The following WDR33 variants were observed in gnomAD, a reference collection of about 807,000 sequenced individuals.
WDR33 encodes WD repeat domain 33, also known as pre-mRNA 3' end processing protein WDR33.
WDR33 carries 47 observed loss-of-function variants against 164.9 expected under a neutral mutation model. The observed-to-expected ratio is 0.29, with a 90% CI of 0.23 to 0.36. WDR33 has a LOEUF of 0.36. Among genes scored for constraint, WDR33 ranks in the 10% least tolerant of loss-of-function variants. WDR33 has a pLI of 1.00. For synonymous variants in WDR33, 505 were observed against 589.0 expected, an observed-to-expected ratio of 0.86 and a Z score of 2.06; for missense variants, 1,137 against 1,754.1, an observed-to-expected ratio of 0.65 and a Z score of 6.28.
chr2:127,702,424 C>A lies in WDR33; in HGVS notation c.*3899G>T. ...TGAAAACTGAGATTTTGTCATTGAA[C>A]TGGTGACAGGATGTGAGACGGTTAT... On this transcript the variant is annotated 3_prime_UTR_variant, in exon 22 of 22. Coordinates refer to ENST00000322313, the MANE Select transcript of WDR33 (RefSeq NM_018383.5). 1 of 288,502 alleles carries A rather than the reference C, an allele frequency of 3.5e-6. No individual in the cohort carries two copies. The highest frequency in any genetic ancestry group is 6.7e-6 in the Non-Finnish European group (1 of 148,540). The allele number at this position is 288,502 out of a possible 1,614,324, so 17.9% of individuals were successfully genotyped here.
intron 1 of WDR33, among the ~76,000 whole-genome samples, chr2:127,780,914 G>GC (rs1204957425): frequency 6.6e-6 from 1 of 152,172 alleles, no homozygotes; most frequent in Non-Finnish European, 1.5e-5. Context: ...AGGCTGGAGT[G>GC]CAGTGGCACC....
At chr2:127,794,218 G>A (rs548416266) in intron 1 of WDR33, among the ~76,000 whole-genome samples, 26 of 151,886 alleles carry the variant, frequency 1.7e-4, no homozygotes, top group African/African-American at 4.6e-4. Flanking sequence ...AAAGAAAGCC[G>A]GCCAGGCACG....
At chr2:127,736,454 T>C (rs565067716) in intron 7 of WDR33, 380 of 985,326 alleles carry the variant, frequency 3.9e-4, no homozygotes, top group Non-Finnish European at 4.2e-4. Flanking sequence ...TTGAAATGTA[T>C]AGTGTCAGGA....
chr2:127,791,521 T>C (rs1393867994), intron 1 of WDR33, among the ~76,000 whole-genome samples: 2 of 152,004 alleles, frequency 1.3e-5, no homozygotes, highest in South Asian at 2.1e-4. Context: ...AACAGCAAAC[T>C]TTCTGGTGTT....
rs868165776 is a variant in WDR33, at chr2:127,701,853, G to C, written c.*4470C>G. On this transcript the variant is annotated 3_prime_UTR_variant, in exon 22 of 22. Transcript: ENST00000322313. Reference sequence around the variant, plus strand: ...GTTGCTGCTGCGCGCGCGCAAGTTCGCGCTGCTCTGGTCACTGGGCTCGGC... The same window carrying C: ...GTTGCTGCTGCGCGCGCGCAAGTTCCCGCTGCTCTGGTCACTGGGCTCGGC... The C allele has an allele frequency of 2.7e-6, 4 of 1,461,198 alleles. No homozygotes were observed. Among genetic ancestry groups the C allele is most frequent in the African/African-American group, 1.5e-5 (1 of 67,686 alleles). The allele number at this position is 1,461,198 out of a possible 1,614,324, so 90.5% of individuals were successfully genotyped here. A position where few individuals can be genotyped will look rare whatever the true frequency, so the allele number is the denominator to read the frequency against.
chr2:127,713,131 T>C lies in WDR33; in HGVS notation c.3308+452A>G, dbSNP rs1044181935. Among the ~76,000 whole-genome samples the C allele has an allele frequency of 6.6e-6, 1 of 152,246 alleles. No individual in the cohort carries two copies. The highest frequency in any genetic ancestry group is 2.4e-5 in the African/African-American group (1 of 41,458). ...GAATGCTGAGATGAGTGTTCAAGCCTGATCTAAGTTTAACAGGAAGACTGT... is the reference window on the plus strand; with the variant it reads ...GAATGCTGAGATGAGTGTTCAAGCCCGATCTAAGTTTAACAGGAAGACTGT... On this transcript the variant is annotated intron_variant, in intron 18 of 21. Coordinates refer to ENST00000322313, the MANE Select transcript of WDR33 (RefSeq NM_018383.5). The surrounding 1 kb of genome is among the most constrained non-coding windows in gnomAD (Gnocchi z 6.2).
Position 127,721,953 on chromosome 2 carries a change from T to G in WDR33, c.1554A>C (p.Pro518=). ...WMQNKVPIPA[P]NEVLNDRKED... Reference sequence around the variant, plus strand: ...CTTTTCTGTCATTCAGCACCTCATTTGGAGCAGGAATTGGAACTTTATTTT... The same window carrying G: ...CTTTTCTGTCATTCAGCACCTCATTGGGAGCAGGAATTGGAACTTTATTTT... Residue 518 remains proline (P), a synonymous_variant, in exon 15 of 22, where the codon CCA becomes CCC. Coordinates refer to ENST00000322313, the MANE Select transcript of WDR33 (RefSeq NM_018383.5). The surrounding 1 kb of genome is among the most constrained non-coding windows in gnomAD (Gnocchi z 4.9). The G allele has an allele frequency of 9.3e-6, 15 of 1,613,482 alleles. No homozygotes were observed. Among genetic ancestry groups the G allele is most frequent in the Non-Finnish European group, 1.3e-5 (15 of 1,179,920 alleles).
intron 21 of WDR33, among the ~76,000 whole-genome samples, chr2:127,707,108 A>T (rs923673535): frequency 6.6e-6 from 1 of 152,114 alleles, no homozygotes; most frequent in African/African-American, 2.4e-5. Context: ...CAAAAACCCC[A>T]CAAAACACTG....
chr2:127,768,039 G>T, intron 4 of WDR33, 150 bp downstream of exon 4: 1 of 484,994 alleles, frequency 2.1e-6, no homozygotes, highest in Non-Finnish European at 3.4e-6. Context: ...ATAAACAACT[G>T]GATATTCCAA....
At position 127,721,860 on chromosome 2, in the gene WDR33, T is replaced by C. The variant is rs1686448530; in HGVS notation, c.1647A>G (p.Gln549=). 4.3e-6 allele frequency: 7 copies of C among 1,613,676 alleles called. No homozygotes were observed. The highest frequency in any genetic ancestry group is 3.3e-5 in the South Asian group (3 of 91,022). The change falls in exon 15 of 22, where the codon CAA becomes CAG. Residue 549 remains glutamine, a synonymous_variant. Transcript: ENST00000322313. This position sits in a 1 kb window ranked among gnomAD's most constrained non-coding sequence, Gnocchi z 4.9. ...CCTCCAGAAGTTGTGGGTTAGTATATTGTAATGTAGCCATTTCTTGCTCAA... is the reference window on the plus strand; with the variant it reads ...CCTCCAGAAGTTGTGGGTTAGTATACTGTAATGTAGCCATTTCTTGCTCAA... The part of the protein sequence containing the change: ...AEIEQEMATL[Q]YTNPQLLEQL...
intron 1 of WDR33, among the ~76,000 whole-genome samples, chr2:127,803,947 CA>C (rs559652976): frequency 0.19 from 11,640 of 61,950 alleles, 303 homozygotes; most frequent in South Asian, 0.34. Context: ...GACCCAGTCT[CA>C]AAAAAAAAAA....
chr2:127,806,617 G>A (rs1689451174), intron 1 of WDR33, among the ~76,000 whole-genome samples: 1 of 151,004 alleles, frequency 6.6e-6, no homozygotes, highest in Non-Finnish European at 1.5e-5. Flanking sequence ...CCTAAACTCT[G>A]TGTAACCTAG....
intron 4 of WDR33, among the ~76,000 whole-genome samples, chr2:127,767,179 A>G (rs190860235): frequency 6.6e-5 from 10 of 152,084 alleles, no homozygotes; most frequent in Non-Finnish European, 1.5e-4. Flanking sequence ...TACTCCTCTG[A>G]TATCAGAAGA....
At chr2:127,810,566 C>T (rs775025304) in intron 1 of WDR33, among the ~76,000 whole-genome samples, 15 of 152,142 alleles carry the variant, frequency 9.9e-5, no homozygotes, top group Non-Finnish European at 7.4e-5. Flanking sequence ...TAATAAGCAC[C>T]GATTTCAAGC....
At chr2:127,747,389 C>T (rs969223952) in intron 7 of WDR33, among the ~76,000 whole-genome samples, 1 of 151,436 alleles carries the variant, frequency 6.6e-6, no homozygotes, top group African/African-American at 2.4e-5. Flanking sequence ...ACATTTTATC[C>T]TCAGTTTGGT....
Position 127,763,938 on chromosome 2 carries a change from T to C in WDR33, c.627-779A>G. 1 of 985,836 alleles carries C rather than the reference T, an allele frequency of 1.0e-6. No individual in the cohort carries two copies. The highest frequency in any genetic ancestry group is 1.2e-6 in the Non-Finnish European group (1 of 830,242). The allele number at this position is 985,836 out of a possible 1,614,324, so 61.1% of individuals were successfully genotyped here. A position where few individuals can be genotyped will look rare whatever the true frequency, so the allele number is the denominator to read the frequency against. ...AGGCAAAATCTACAAAGCAGAAGCATGTTCATCCAACAATTTCTGTTAAGA... is the reference window on the plus strand; with the variant it reads ...AGGCAAAATCTACAAAGCAGAAGCACGTTCATCCAACAATTTCTGTTAAGA... On this transcript the variant is annotated intron_variant, in intron 6 of 21. Transcript: ENST00000322313. This position sits in a 1 kb window ranked among gnomAD's most constrained non-coding sequence, Gnocchi z 4.5.
rs774334423 is a variant in WDR33, at chr2:127,706,548, T to A, written c.3786A>T (p.Arg1262=). The A allele has an allele frequency of 1.9e-6, 3 of 1,591,868 alleles. No homozygotes were observed. In the Admixed American group the frequency reaches 5.7e-5, roughly 30 times the overall value. The change falls in exon 22 of 22, where the codon CGA becomes CGT. Residue 1262 remains arginine (R), a synonymous_variant. Transcript: ENST00000322313. The surrounding 1 kb of genome is among the most constrained non-coding windows in gnomAD (Gnocchi z 5.1). ...GPSEDRGGKG[R]GGPGPAQRVP... The stretch of plus-strand genomic sequence containing the variant: ...CTCTCTGAGCAGGTCCTGGGCCCCC[T>A]CGGCCTGAAACAAAGAAAATTTCAC...
At chr2:127,766,575 T>G (rs569311436) in intron 4 of WDR33, among the ~76,000 whole-genome samples, 4 of 152,192 alleles carry the variant, frequency 2.6e-5, no homozygotes, top group African/African-American at 4.8e-5. Flanking sequence ...TCAAACCTTA[T>G]AGCGTAATCC....
intron 1 of WDR33, among the ~76,000 whole-genome samples, chr2:127,800,385 A>G (rs1285330390): frequency 6.6e-6 from 1 of 152,206 alleles, no homozygotes; most frequent in Non-Finnish European, 1.5e-5. Flanking sequence ...CTGTACTCCC[A>G]GCACTTTGGG....
Sources: gnomAD v4.1 joint callset for allele counts (sites outside exome capture counted in the v4.1 genomes callset) on GRCh38, gnomAD v4.1.1 for gene constraint, Gnocchi (gnomAD v3.1) non-coding constraint, MANE v1.5 for transcripts, NCBI Gene and HGNC (gene_info 2026-07-23, HGNC 2026-07-21) for gene names.